Variants in VWA5B1 observed in about 807,000 individuals in gnomAD.
VWA5B1 encodes von Willebrand factor A domain containing 5B1.
Under a neutral mutation model 118.2 loss-of-function variants are expected in VWA5B1, and 115 were observed. The ratio of observed to expected loss-of-function variants is 0.97; its 90% CI spans 0.84 to 1.14. The LOEUF is 1.14. Among genes scored for constraint, VWA5B1 ranks in the 50% most tolerant of loss-of-function variants. VWA5B1 has a pLI of 0.00. For missense variants in VWA5B1, 1,596 were observed against 1,603.8 expected (o/e 1.00, Z 0.08); for synonymous variants, 682 against 658.4 (o/e 1.04, Z -0.55).
chr1:20,307,157 A>T (rs565179596), intron 1 of VWA5B1, among the ~76,000 whole-genome samples: 147 of 152,204 alleles, frequency 9.7e-4, no homozygotes, highest in African/African-American at 3.4e-3. Context: ...CATAGTGTTG[A>T]CCCTCACACA....
intron 18 of VWA5B1, 75 bp from the exon 19 acceptor site, chr1:20,350,081 C>T (rs777981334): frequency 1.3e-5 from 18 of 1,433,152 alleles, no homozygotes; most frequent in Non-Finnish European, 1.7e-5. Context: ...GTGAATTAGA[C>T]CATTGCTCTC....
rs188305880 is a variant in VWA5B1 at position 20,355,058 on chromosome 1, G to A, written c.*795G>A. ...AAAATAGTCCTAAAAGAACAGACAT[G>A]GTCACAGAAGTCAATGAAGACACCA... On this transcript the variant is annotated 3_prime_UTR_variant, in exon 22 of 22. Transcript: ENST00000289815. 2.8e-3 allele frequency among the ~76,000 whole-genome samples: 421 copies of A among 152,292 alleles called. 1 individual carries two copies. Among genetic ancestry groups the A allele is most frequent in the Middle Eastern group, 3.4e-3 (1 of 294 alleles).
chr1:20,342,954 T>A, intron 15 of VWA5B1, 125 bp from the exon 16 acceptor site: 1 of 1,433,744 alleles, frequency 7.0e-7, no homozygotes, highest in Non-Finnish European at 9.2e-7. Context: ...GCCTGTTCCC[T>A]GGGGAGATGG....
chr1:20,348,900 C>T (rs2090065633), intron 18 of VWA5B1, among the ~76,000 whole-genome samples: 1 of 152,184 alleles, frequency 6.6e-6, no homozygotes, highest in Non-Finnish European at 1.5e-5. Context: ...GGCTTTAACC[C>T]TCTGTGTCCT....
chr1:20,298,738 C>G (rs1055008919), intron 1 of VWA5B1, among the ~76,000 whole-genome samples: 1 of 152,116 alleles, frequency 6.6e-6, no homozygotes, highest in African/African-American at 2.4e-5. Flanking sequence ...TCCTGATGCC[C>G]AGGCTGGCTG....
At chr1:20,302,281 G>A (rs1390533859) in intron 1 of VWA5B1, among the ~76,000 whole-genome samples, 2 of 152,100 alleles carry the variant, frequency 1.3e-5, no homozygotes, top group Admixed American at 1.3e-4. Context: ...CTATCTCCAG[G>A]ATAGAATCTC....
At chr1:20,294,338 A>G (rs953473991) in intron 1 of VWA5B1, 1 of 152,312 alleles carries the variant, frequency 6.6e-6, no homozygotes, top group African/African-American at 2.4e-5. Context: ...CCTGGCCCCA[A>G]GGATGAGCCT....
chr1:20,347,415 T>C (rs1420096062), intron 17 of VWA5B1, among the ~76,000 whole-genome samples: 3 of 151,924 alleles, frequency 2.0e-5, no homozygotes, highest in Non-Finnish European at 2.9e-5. Flanking sequence ...AAGCATACTT[T>C]AGGGTGCTAT....
chr1:20,309,567 T>G lies in VWA5B1; in HGVS notation c.-26-1009T>G, dbSNP rs1166198410. The stretch of plus-strand genomic sequence containing the variant: ...AGGGTGTGTTTGGGGACCGTGGTGA[T>G]GCTGGGCTGGAGAGGCCAGCAGGGG... On this transcript the variant is annotated intron_variant, in intron 1 of 21. Coordinates refer to ENST00000289815, the MANE Select transcript of VWA5B1 (RefSeq NM_001039500.3). 2.6e-5 allele frequency among the ~76,000 whole-genome samples: 4 copies of G among 152,340 alleles called. No individual in the cohort carries two copies. The East Asian group carries it at 7.7e-4, about 29-fold the overall frequency.
intron 7 of VWA5B1, among the ~76,000 whole-genome samples, chr1:20,320,439 A>T (rs1200397842): frequency 6.6e-6 from 1 of 152,204 alleles, no homozygotes; most frequent in African/African-American, 2.4e-5. Flanking sequence ...CCTCAGCCAG[A>T]TGAGTCAGTT....
Position 20,312,819 on chromosome 1 carries a change from G to A in VWA5B1, c.140-17G>A. 1 of 1,541,082 alleles carries A rather than the reference G, an allele frequency of 6.5e-7. No individual in the cohort carries two copies. ...TAGGCCTGGGGCACCCCGTGATGCT[G>A]GGCCCTGCTCCGACAGGCCTCTTCG... is the stretch of plus-strand genomic sequence containing the variant. On this transcript the variant is annotated splice_polypyrimidine_tract_variant and intron_variant, in intron 2 of 21. Coordinates refer to ENST00000289815, the MANE Select transcript of VWA5B1 (RefSeq NM_001039500.3).
intron 18 of VWA5B1, among the ~76,000 whole-genome samples, chr1:20,348,724 C>T (rs1245733144): frequency 6.6e-6 from 1 of 152,206 alleles, no homozygotes; most frequent in Non-Finnish European, 1.5e-5. Flanking sequence ...AGGGAAAAAG[C>T]GAAGAGCGAA....
In VWA5B1 at chr1:20,350,932, T is replaced by A; in HGVS notation, c.3023+6T>A. ...GAGAATCTCTTTGGATCCTGGTAGG[T>A]GGGATTTCCAATAAAGGTACACTCT... On this transcript the variant is annotated splice_donor_region_variant and intron_variant, in intron 20 of 21. Coordinates refer to ENST00000289815, the MANE Select transcript of VWA5B1 (RefSeq NM_001039500.3). 1 of 1,551,698 alleles carries A rather than the reference T, an allele frequency of 6.4e-7. No homozygotes were observed.
Position 20,310,582 on chromosome 1 carries a change from A to G in VWA5B1, c.-20A>G. 1 of 1,515,868 alleles carries G rather than the reference A, an allele frequency of 6.6e-7. No individual in the cohort carries two copies. Among genetic ancestry groups the G allele is most frequent in the Non-Finnish European group, 8.8e-7 (1 of 1,130,252 alleles). 93.9% of individuals were successfully genotyped at this position (1,515,868 alleles called of 1,614,324 possible). A position where few individuals can be genotyped will look rare whatever the true frequency, so the allele number is the denominator to read the frequency against. ...CCCTTCCTGTGTCTCACAGGTTCTG[A>G]AGGCTGAGTAGCCAGCGGGATGCCC... is the stretch of plus-strand genomic sequence containing the variant. On this transcript the variant is annotated 5_prime_UTR_variant, in exon 2 of 22. It removes the in-frame stop codon of an upstream open reading frame in the 5' UTR. Coordinates refer to ENST00000289815, the MANE Select transcript of VWA5B1 (RefSeq NM_001039500.3).
intron 1 of VWA5B1, among the ~76,000 whole-genome samples, chr1:20,292,763 G>A (rs1341152393): frequency 6.6e-6 from 1 of 152,204 alleles, no homozygotes; most frequent in South Asian, 2.1e-4. Context: ...CCCAGCCTTG[G>A]CTGGCATCTG....
chr1:20,317,777 T>C (rs2089067320), intron 5 of VWA5B1, 102 bp downstream of exon 5: 1 of 1,385,664 alleles, frequency 7.2e-7, no homozygotes, highest in Non-Finnish European at 9.6e-7. Context: ...CTGGCCCAGA[T>C]GGCAGACCTA....
At chr1:20,303,951 T>G (rs757960114) in intron 1 of VWA5B1, among the ~76,000 whole-genome samples, 28 of 152,210 alleles carry the variant, frequency 1.8e-4, no homozygotes, top group Non-Finnish European at 3.1e-4. Context: ...GCTTGGCCAC[T>G]TTCTGGCTGT....
At chr1:20,323,269 G>GC (rs2100892269) in intron 7 of VWA5B1, 87 bp from the exon 8 acceptor site, 1 of 1,254,502 alleles carries the variant, frequency 8.0e-7, no homozygotes, top group South Asian at 2.2e-5. Context: ...GGATGTGGGT[G>GC]CACGGTGAGT....
chr1:20,354,206 G>A lies in VWA5B1; in HGVS notation c.3591G>A (p.Arg1197=), dbSNP rs1323012792. The A allele has an allele frequency of 2.6e-6, 4 of 1,551,224 alleles. No individual in the cohort carries two copies. The highest frequency in any genetic ancestry group is 3.5e-6 in the Non-Finnish European group (4 of 1,146,986). ...CCCGCCAGCTGTTTGTGCTTCTGCG[G>A]CACTGGGATGAGAATCTCGAGTTCA... is the stretch of plus-strand genomic sequence containing the variant. ...AAARQLFVLL[R]HWDENLEFNM... is the part of the protein sequence containing the mutation. The change falls in exon 22 of 22, where the codon CGG becomes CGA. Residue 1197 remains arginine (R), a synonymous_variant. Coordinates refer to ENST00000289815, the MANE Select transcript of VWA5B1 (RefSeq NM_001039500.3).
Sources: allele counts gnomAD v4.1 joint callset (sites outside exome capture counted in the v4.1 genomes callset), GRCh38; gene constraint gnomAD v4.1.1; transcripts MANE v1.5; gene names NCBI Gene and HGNC (gene_info 2026-07-23, HGNC 2026-07-21).